The following PTPRQ variants were observed in gnomAD, a reference collection of about 807,000 sequenced individuals.
PTPRQ encodes phosphatidylinositol phosphatase PTPRQ.
A neutral mutation model predicts 246.0 loss-of-function variants in PTPRQ; 199 were observed. The observed-to-expected ratio is 0.81, with a 90% CI of 0.72 to 0.91. The LOEUF is 0.91. Ranked by LOEUF, PTPRQ falls within the 40% of genes least tolerant of loss-of-function variation. The pLI, the probability that PTPRQ is intolerant of heterozygous loss-of-function variation, is 0.00. For synonymous variants in PTPRQ, 869 were observed against 853.2 expected (o/e 1.02, Z -0.32); for missense variants, 2,624 against 2,528.4 (o/e 1.04, Z -0.81).
At chr12:80,578,433 C>T (rs952455085) in intron 25 of PTPRQ, among the ~76,000 whole-genome samples, 1 of 151,814 alleles carries the variant, frequency 6.6e-6, no homozygotes, top group South Asian at 2.1e-4. Context: ...CTCTGTCGCC[C>T]GGGCTGGAGT....
chr12:80,592,828 G>A (rs924892808), intron 26 of PTPRQ, among the ~76,000 whole-genome samples: 7 of 152,132 alleles, frequency 4.6e-5, no homozygotes, highest in African/African-American at 1.7e-4. Flanking sequence ...TTTCCAACAT[G>A]GTGAAACCCT....
chr12:80,601,113 G>A (rs974356484), intron 26 of PTPRQ, among the ~76,000 whole-genome samples: 29 of 151,872 alleles, frequency 1.9e-4, no homozygotes, highest in African/African-American at 5.5e-4. Context: ...ATTTAAAATA[G>A]TAACGCCCTA....
chr12:80,642,918 T>TCAAAAAAAAAAAAAAAA (rs1400331385), intron 35 of PTPRQ, among the ~76,000 whole-genome samples: 1 of 69,390 alleles, frequency 1.4e-5, no homozygotes, highest in South Asian at 4.8e-4. Flanking sequence ...AGACTCCGTC[T>TCAAAAAAAAAAAAAAAA]TAAAAAAAAA....
chr12:80,459,857 T>G (rs546220832), intron 5 of PTPRQ, among the ~76,000 whole-genome samples: 1 of 152,164 alleles, frequency 6.6e-6, no homozygotes, highest in Admixed American at 6.5e-5. Context: ...GGTGGAAAAG[T>G]GTAAGATATA....
chr12:80,581,497 T>C (rs536839626), intron 25 of PTPRQ, among the ~76,000 whole-genome samples: 1 of 151,956 alleles, frequency 6.6e-6, no homozygotes, highest in Non-Finnish European at 1.5e-5. Flanking sequence ...TAGTTGGGTG[T>C]GATGGCACAC....
At chr12:80,675,231 T>G (rs1153042) in intron 43 of PTPRQ, among the ~76,000 whole-genome samples, 65,730 of 151,864 alleles carry the variant, frequency 0.43, 16,342 homozygotes, top group African/African-American at 0.7. Context: ...TAATGTTTGC[T>G]GTCACTGTCT....
At chr12:80,666,817 A>G (rs909082819) in intron 39 of PTPRQ, among the ~76,000 whole-genome samples, 12 of 151,982 alleles carry the variant, frequency 7.9e-5, no homozygotes, top group African/African-American at 2.7e-4. Context: ...TAGCAAATTC[A>G]GTTGGTTTTG....
Position 80,549,576 on chromosome 12 carries a change from C to G in PTPRQ, c.4127C>G (p.Thr1376Arg). 7 of 1,551,182 alleles carry G rather than the reference C, an allele frequency of 4.5e-6. No homozygotes were observed. Among genetic ancestry groups the G allele is most frequent in the African/African-American group, 2.7e-5 (2 of 73,118 alleles). The change falls in exon 25 of 45, where the codon ACA becomes AGA. Residue 1376 changes from threonine to arginine, a missense_variant. Coordinates refer to ENST00000644991, the MANE Select transcript of PTPRQ (RefSeq NM_001145026.2). ...ANGIITQYMV[T>R]VERNSTKVSP... is the part of the protein sequence containing the mutation. ...GGAATAATAACGCAGTATATGGTAA[C>G]AGTTGAAAGGAATTCTACAAAAGTT...
intron 25 of PTPRQ, among the ~76,000 whole-genome samples, chr12:80,585,709 T>C (rs550632630): frequency 2.6e-5 from 4 of 152,210 alleles, no homozygotes; most frequent in African/African-American, 7.2e-5. Flanking sequence ...TACCTACATA[T>C]GGAATTTAGT....
chr12:80,653,246 A>C (rs902397588), intron 38 of PTPRQ, among the ~76,000 whole-genome samples: 1 of 152,198 alleles, frequency 6.6e-6, no homozygotes, highest in Non-Finnish European at 1.5e-5. Context: ...GCATTGTAAA[A>C]TATTCATTGA....
At chr12:80,637,610 A>G (rs1015269908) in intron 35 of PTPRQ, among the ~76,000 whole-genome samples, 1 of 152,240 alleles carries the variant, frequency 6.6e-6, no homozygotes, top group Non-Finnish European at 1.5e-5. Flanking sequence ...CATTAAAATA[A>G]CAATTAAGTG....
chr12:80,648,656 TATA>T, intron 35 of PTPRQ, among the ~76,000 whole-genome samples: 2 of 152,238 alleles, frequency 1.3e-5, no homozygotes, highest in East Asian at 3.9e-4. Flanking sequence ...TAATGACATT[TATA>T]ATAACAACAA....
At chr12:80,664,550 G>T (rs532476621) in intron 39 of PTPRQ, among the ~76,000 whole-genome samples, 2 of 152,052 alleles carry the variant, frequency 1.3e-5, no homozygotes, top group African/African-American at 2.4e-5. Flanking sequence ...CAAATCTATT[G>T]TAATTTCTTA....
intron 33 of PTPRQ, among the ~76,000 whole-genome samples, chr12:80,625,286 T>A (rs528474011): frequency 1.3e-5 from 2 of 152,252 alleles, no homozygotes; most frequent in African/African-American, 4.8e-5. Context: ...GGCTAGGGAC[T>A]CAAACATTCC....
intron 35 of PTPRQ, among the ~76,000 whole-genome samples, chr12:80,645,583 T>C (rs1282592420): frequency 1.3e-5 from 2 of 151,566 alleles, no homozygotes; most frequent in Non-Finnish European, 2.9e-5. Context: ...CTGAAGTATA[T>C]ATGAGCCCAA....
At chr12:80,577,687 T>C (rs780816545) in intron 25 of PTPRQ, among the ~76,000 whole-genome samples, 10 of 152,200 alleles carry the variant, frequency 6.6e-5, no homozygotes, top group Non-Finnish European at 1.0e-4. Flanking sequence ...AGACTAAAAT[T>C]ATAGCCATGG....
chr12:80,446,755 G>T (rs928689440), intron 3 of PTPRQ, among the ~76,000 whole-genome samples: 12 of 151,934 alleles, frequency 7.9e-5, no homozygotes, highest in African/African-American at 2.9e-4. Context: ...CAAAGAACAT[G>T]ATTTTATTTT....
chr12:80,677,640 A>G (rs775439887), intron 43 of PTPRQ, among the ~76,000 whole-genome samples: 3 of 152,226 alleles, frequency 2.0e-5, no homozygotes, highest in Non-Finnish European at 4.4e-5. Flanking sequence ...TCTTGGAAAC[A>G]TTTTGTAATC....
chr12:80,479,098 A>C (rs974770403), intron 8 of PTPRQ, among the ~76,000 whole-genome samples: 11 of 151,866 alleles, frequency 7.2e-5, no homozygotes, highest in African/African-American at 2.7e-4. Context: ...GTTGAAATGA[A>C]GGAAAAAATG....
Sources: allele counts gnomAD v4.1 joint callset (sites outside exome capture counted in the v4.1 genomes callset), GRCh38; gene constraint gnomAD v4.1.1; transcripts MANE v1.5; gene names NCBI Gene and HGNC (gene_info 2026-07-23, HGNC 2026-07-21).